LRRC49: variants seen among roughly 807,000 people sequenced by gnomAD.
LRRC49 encodes the protein leucine rich repeat containing 49.
LRRC49 carries 50 observed loss-of-function variants against 83.3 expected under a neutral mutation model. That is an observed-to-expected ratio of 0.60 (90% CI 0.48 to 0.76). The LOEUF is 0.76. Ranked by LOEUF, LRRC49 falls within the 30% of genes least tolerant of loss-of-function variation. The probability of loss-of-function intolerance (pLI) is 0.00; values close to 1 mark genes in which losing one functional copy is unlikely to be tolerated. For synonymous variants in LRRC49, 286 were observed against 283.3 expected, an observed-to-expected ratio of 1.01 and a Z score of -0.10; for missense variants, 704 against 809.1, an observed-to-expected ratio of 0.87 and a Z score of 1.58.
intron 1 of LRRC49, 72 bp from the exon 2 acceptor site, chr15:70,893,512 A>C: frequency 1.2e-6 from 1 of 849,924 alleles, no homozygotes; most frequent in Non-Finnish European, 1.9e-6. Flanking sequence ...TTCTGTTTGT[A>C]CCTTTTTTTT....
At chr15:71,008,668 T>A in intron 12 of LRRC49, 52 bp downstream of exon 12, 2 of 1,334,402 alleles carry the variant, frequency 1.5e-6, no homozygotes, top group South Asian at 1.2e-5. Context: ...CAATGACTTG[T>A]GTGTTCAGGC....
chr15:70,894,759 A>G (rs1344500310), intron 2 of LRRC49: 6 of 380,546 alleles, frequency 1.6e-5, no homozygotes, highest in Non-Finnish European at 2.6e-5. Context: ...AAGAAGGGTA[A>G]GAAAAGGCAT....
intron 6 of LRRC49, among the ~76,000 whole-genome samples, chr15:70,914,951 A>G (rs2034703219): frequency 6.6e-6 from 1 of 152,208 alleles, no homozygotes; most frequent in Non-Finnish European, 1.5e-5. Flanking sequence ...TCCTAGATGT[A>G]TTAAGAAGCC....
At position 71,037,187 on chromosome 15, in the gene LRRC49, A is replaced by G. The variant is rs781033290; in HGVS notation, c.1712A>G (p.Gln571Arg). The G allele has an allele frequency of 1.9e-6, 3 of 1,604,166 alleles. No individual in the cohort carries two copies. In the African/African-American group the frequency reaches 4.0e-5, roughly 22 times the overall value. Residue 571 changes from glutamine to arginine, a missense_variant, in exon 15 of 16, where the codon CAA (glutamine) becomes CGA (arginine). Around this residue, in one of 3 missense-constraint regions of LRRC49, gnomAD observed 275 missense variants for 338.0 expected, o/e 0.81. Coordinates refer to ENST00000260382, the MANE Select transcript of LRRC49 (RefSeq NM_017691.5). The stretch of plus-strand genomic sequence containing the variant: ...TTACTGTCTTTCTACAGGAAAAAGC[A>G]ATTTCGGTATCTACTAGAATCCAAA... ...ISILGDARKKQFRYLLESKGK... is the reference protein window; with the variant it reads ...ISILGDARKKRFRYLLESKGK...
At chr15:70,969,817 A>G (rs2036928837) in intron 9 of LRRC49, among the ~76,000 whole-genome samples, 1 of 151,982 alleles carries the variant, frequency 6.6e-6, no homozygotes, top group South Asian at 2.1e-4. Context: ...TGATTTTTGG[A>G]TATTGATTTT....
chr15:71,041,029 A>T (rs756686673), intron 15 of LRRC49, among the ~76,000 whole-genome samples: 1 of 152,002 alleles, frequency 6.6e-6, no homozygotes, highest in Non-Finnish European at 1.5e-5. Context: ...GCCAACAACC[A>T]CTTAGGCTTA....
chr15:70,975,170 ATAAAC>A (rs142333181), intron 9 of LRRC49, among the ~76,000 whole-genome samples: 3,535 of 152,282 alleles, frequency 0.023, 138 homozygotes, highest in African/African-American at 0.08. Flanking sequence ...AGGGCAGACA[ATAAAC>A]TAGAGCATTT....
chr15:70,858,587 G>A (rs762559548), intron 1 of LRRC49: 2 of 486,994 alleles, frequency 4.1e-6, no homozygotes, highest in Non-Finnish European at 7.2e-6. Flanking sequence ...CTGGGCGACA[G>A]AGCGAGACTT....
At chr15:71,012,728 T>A (rs1263219740) in intron 13 of LRRC49, 76 bp from the exon 14 acceptor site, 2 of 790,976 alleles carry the variant, frequency 2.5e-6, no homozygotes, top group African/African-American at 3.4e-5. Flanking sequence ...TTTGGATCTC[T>A]CTTTGGGATT....
intron 14 of LRRC49, among the ~76,000 whole-genome samples, chr15:71,021,802 G>C (rs1386460885): frequency 6.6e-6 from 1 of 152,112 alleles, no homozygotes; most frequent in Non-Finnish European, 1.5e-5. Context: ...AAATCTGCCT[G>C]GGCTTGTTCT....
intron 8 of LRRC49, among the ~76,000 whole-genome samples, chr15:70,955,945 A>G (rs1372867288): frequency 3.3e-5 from 5 of 152,106 alleles, no homozygotes; most frequent in Non-Finnish European, 5.9e-5. Flanking sequence ...GATTTATTCT[A>G]TTGTTCCATT....
chr15:70,898,430 T>C lies in LRRC49; in HGVS notation c.194-2492T>C, dbSNP rs1283688819. ...TCACCCAAGGAGCTTGTAGATTTAT[T>C]TGGGAAGACAAGGGCTACATATCTG... On this transcript the variant is annotated intron_variant, in intron 3 of 15. Transcript: ENST00000260382. 8.5e-6 allele frequency: 6 copies of C among 702,160 alleles called. No individual in the cohort carries two copies. In the East Asian group the frequency reaches 1.3e-4, roughly 16 times the overall value. 43.5% of individuals were successfully genotyped at this position (702,160 alleles called of 1,614,324 possible).
At chr15:71,049,369 A>T in intron 15 of LRRC49, 40 bp from the exon 16 acceptor site, 1 of 1,306,982 alleles carries the variant, frequency 7.7e-7, no homozygotes, top group Non-Finnish European at 1.1e-6. Context: ...CTTTTGGATT[A>T]GTTATGATTT....
upstream of LRRC49, chr15:70,891,732 A>G: frequency 4.0e-6 from 4 of 1,001,264 alleles, no homozygotes; most frequent in African/African-American, 1.6e-5. Context: ...AACTTTGCAG[A>G]TTAGAAAACA....
intron 5 of LRRC49, among the ~76,000 whole-genome samples, chr15:70,911,132 C>T (rs2141121794): frequency 6.6e-6 from 1 of 152,314 alleles, no homozygotes; most frequent in Non-Finnish European, 1.5e-5. Flanking sequence ...AAGAATGCCT[C>T]TGTGGCTGGA....
intron 14 of LRRC49, among the ~76,000 whole-genome samples, chr15:71,019,440 A>G (rs1325733743): frequency 6.6e-6 from 1 of 152,264 alleles, no homozygotes; most frequent in Admixed American, 6.5e-5. Flanking sequence ...ATTTTATCAT[A>G]TCACAGAGAC....
intron 7 of LRRC49, among the ~76,000 whole-genome samples, chr15:70,929,713 TA>T (rs2035337395): frequency 6.6e-6 from 1 of 152,222 alleles, no homozygotes; most frequent in Admixed American, 6.5e-5. Flanking sequence ...CTTTATCAAC[TA>T]AGTTAATGTG....
chr15:70,875,029 G>C (rs2033122954), intron 2 of LRRC49, among the ~76,000 whole-genome samples: 1 of 152,226 alleles, frequency 6.6e-6, no homozygotes, highest in Non-Finnish European at 1.5e-5. Context: ...CTGATGAAGA[G>C]TGGGATCAAT....
chr15:70,891,493 C>T (rs1176528916), upstream of LRRC49, among the ~76,000 whole-genome samples: 2 of 151,874 alleles, frequency 1.3e-5, no homozygotes, highest in African/African-American at 2.4e-5. Flanking sequence ...GAGATTTGCT[C>T]AAATTAAACC....
Sources: gnomAD v4.1 joint callset for allele counts (sites outside exome capture counted in the v4.1 genomes callset) on GRCh38, gnomAD v4.1.1 for gene constraint, gnomAD v4.1.1 regional missense constraint, MANE v1.5 for transcripts, NCBI Gene and HGNC (gene_info 2026-07-23, HGNC 2026-07-21) for gene names.